Variants in EPHB1 observed in about 807,000 individuals in gnomAD.
EPHB1 encodes EPH receptor B1.
In EPHB1, 30 loss-of-function variants were observed where a neutral mutation model predicts 94.4. That is an observed-to-expected ratio of 0.32 (90% CI 0.24 to 0.43). The LOEUF is 0.43. Among genes scored for constraint, EPHB1 ranks in the 20% least tolerant of loss-of-function variants. EPHB1 has a pLI of 1.00. For synonymous variants in EPHB1, 522 were observed against 489.1 expected (o/e 1.07, Z -0.89); for missense variants, 1,055 against 1,308.3 (o/e 0.81, Z 2.99).
chr3:135,212,295 T>G (rs1479662964), intron 12 of EPHB1, among the ~76,000 whole-genome samples: 1 of 152,212 alleles, frequency 6.6e-6, no homozygotes, highest in African/African-American at 2.4e-5. Flanking sequence ...ATCTGGGTGG[T>G]CCTGGGATTA....
At chr3:134,822,111 G>A (rs2036393129) in intron 1 of EPHB1, among the ~76,000 whole-genome samples, 1 of 152,220 alleles carries the variant, frequency 6.6e-6, no homozygotes, top group South Asian at 2.1e-4. Context: ...TGCTGGGGAT[G>A]TGTTCCAGCT....
At chr3:135,091,105 C>T (rs906940829) in intron 3 of EPHB1, among the ~76,000 whole-genome samples, 2 of 152,248 alleles carry the variant, frequency 1.3e-5, no homozygotes, top group Admixed American at 6.5e-5. Flanking sequence ...GAATGCAGCT[C>T]TTCCCTGATG....
intron 3 of EPHB1, among the ~76,000 whole-genome samples, chr3:134,991,482 T>C (rs1036566212): frequency 3.9e-5 from 6 of 152,140 alleles, no homozygotes; most frequent in African/African-American, 1.2e-4. Flanking sequence ...AGTTTATGTT[T>C]CCATACGGGC....
At chr3:134,946,664 A>G (rs770300246) in intron 2 of EPHB1, among the ~76,000 whole-genome samples, 7 of 152,186 alleles carry the variant, frequency 4.6e-5, no homozygotes, top group African/African-American at 1.7e-4. Context: ...GGGATCCCTC[A>G]TGAATGGCTT....
At chr3:135,157,871 C>T (rs1559855361) in intron 6 of EPHB1, among the ~76,000 whole-genome samples, 1 of 152,144 alleles carries the variant, frequency 6.6e-6, no homozygotes, top group African/African-American at 2.4e-5. Flanking sequence ...AAAGTGTATA[C>T]TTGAAAATAT....
chr3:135,006,963 C>G (rs1935438835), intron 3 of EPHB1, among the ~76,000 whole-genome samples: 1 of 152,138 alleles, frequency 6.6e-6, no homozygotes, highest in Non-Finnish European at 1.5e-5. Flanking sequence ...ACTTGCATTT[C>G]TCTTCTGGGC....
chr3:135,097,068 C>T (rs1186808413), intron 3 of EPHB1, among the ~76,000 whole-genome samples: 16 of 144,516 alleles, frequency 1.1e-4, no homozygotes, highest in African/African-American at 3.9e-4. Flanking sequence ...TGCACTCCAG[C>T]CTGGGCCACA....
chr3:134,850,746 G>C (rs1295679461), intron 1 of EPHB1, among the ~76,000 whole-genome samples: 1 of 152,242 alleles, frequency 6.6e-6, no homozygotes, highest in Admixed American at 6.5e-5. Context: ...TCCCATGCTG[G>C]CTGTGATTCT....
At chr3:135,245,186 A>C (rs140845175) in intron 13 of EPHB1, among the ~76,000 whole-genome samples, 1 of 152,278 alleles carries the variant, frequency 6.6e-6, no homozygotes, top group African/African-American at 2.4e-5. Context: ...TGTGATGAGG[A>C]TTCATCCTAC....
chr3:134,933,147 G>C (rs2038935698), intron 2 of EPHB1, among the ~76,000 whole-genome samples: 1 of 152,146 alleles, frequency 6.6e-6, no homozygotes, highest in Non-Finnish European at 1.5e-5. Context: ...CCACTCTCTT[G>C]TTTTATCTCT....
intron 3 of EPHB1, among the ~76,000 whole-genome samples, chr3:135,085,807 A>T (rs1373612859): frequency 6.6e-6 from 1 of 152,160 alleles, no homozygotes; most frequent in Non-Finnish European, 1.5e-5. Context: ...TCTGTCTCAG[A>T]CTGCTTCTCT....
intron 2 of EPHB1, among the ~76,000 whole-genome samples, chr3:134,935,507 C>T (rs1157658268): frequency 6.6e-6 from 1 of 152,186 alleles, no homozygotes; most frequent in African/African-American, 2.4e-5. Flanking sequence ...GGGCTTATTT[C>T]CATTTTCTGC....
intron 2 of EPHB1, among the ~76,000 whole-genome samples, chr3:134,948,472 A>C (rs1017644289): frequency 6.6e-6 from 1 of 152,222 alleles, no homozygotes; most frequent in African/African-American, 2.4e-5. Context: ...TGAAAAAAAA[A>C]ATAGGCAAGC....
chr3:135,056,980 G>A (rs944409442), intron 3 of EPHB1, among the ~76,000 whole-genome samples: 2 of 152,214 alleles, frequency 1.3e-5, no homozygotes, highest in South Asian at 4.1e-4. Context: ...AAGGACATCT[G>A]TTATGCAGAG....
At chr3:135,015,191 T>C (rs1020711149) in intron 3 of EPHB1, among the ~76,000 whole-genome samples, 2 of 152,080 alleles carry the variant, frequency 1.3e-5, no homozygotes, top group African/African-American at 2.4e-5. Context: ...GGACTGCCGC[T>C]TTCATCTCCC....
chr3:134,957,548 A>G (rs1166278041), intron 3 of EPHB1, among the ~76,000 whole-genome samples: 1 of 152,212 alleles, frequency 6.6e-6, no homozygotes, highest in Non-Finnish European at 1.5e-5. Flanking sequence ...GGGGAAAGCC[A>G]TACAGGGCAG....
intron 2 of EPHB1, among the ~76,000 whole-genome samples, chr3:134,943,902 G>A (rs1020090743): frequency 6.6e-6 from 1 of 152,182 alleles, no homozygotes; most frequent in Non-Finnish European, 1.5e-5. Flanking sequence ...GGATACTGAG[G>A]TGTGGGCTGG....
chr3:135,014,902 T>G (rs1213805291), intron 3 of EPHB1, among the ~76,000 whole-genome samples: 2 of 152,220 alleles, frequency 1.3e-5, no homozygotes, highest in Non-Finnish European at 2.9e-5. Context: ...CTTTCTGGTT[T>G]TACTTTCCTT....
At chr3:135,162,293 GGAA>G in intron 7 of EPHB1, 113 bp downstream of exon 7, 1 of 1,249,136 alleles carries the variant, frequency 8.0e-7, no homozygotes, top group Non-Finnish European at 1.1e-6. Flanking sequence ...GGATTCCAGT[GGAA>G]TTCCCTTCAA....
Sources: gnomAD v4.1 joint callset for allele counts (sites outside exome capture counted in the v4.1 genomes callset) on GRCh38, gnomAD v4.1.1 for gene constraint, MANE v1.5 for transcripts, NCBI Gene and HGNC (gene_info 2026-07-23, HGNC 2026-07-21) for gene names.